The following MTAP variants were observed in gnomAD, a reference collection of about 807,000 sequenced individuals.
MTAP encodes the protein methylthioadenosine phosphorylase.
MTAP carries 33 observed loss-of-function variants against 33.6 expected under a neutral mutation model. That is an observed-to-expected ratio of 0.98 (90% CI 0.74 to 1.31). The LOEUF (loss-of-function observed/expected upper bound fraction) is 1.31, where lower values mean the gene tolerates loss of function less well. Among genes scored for constraint, MTAP ranks in the 40% most tolerant of loss-of-function variants. MTAP has a pLI of 0.00. For synonymous variants in MTAP, 148 were observed against 125.7 expected (o/e 1.18, Z -1.19); for missense variants, 367 against 360.0 (o/e 1.02, Z -0.16).
chr9:21,853,020 AT>A (rs552519514), intron 5 of MTAP, among the ~76,000 whole-genome samples: 5 of 152,190 alleles, frequency 3.3e-5, no homozygotes, highest in Admixed American at 6.5e-5. Context: ...TGTATTTGAT[AT>A]TTTTTGCTGC....
At chr9:21,925,370 G>A (rs1818852485) in intron 1 of MTAP, among the ~76,000 whole-genome samples, 1 of 152,154 alleles carries the variant, frequency 6.6e-6, no homozygotes, top group South Asian at 2.1e-4. Flanking sequence ...CTAAAAACTA[G>A]CACTGGACCC....
intron 4 of MTAP, among the ~76,000 whole-genome samples, chr9:21,834,826 T>C (rs1384331792): frequency 6.6e-6 from 1 of 152,236 alleles, no homozygotes; most frequent in Non-Finnish European, 1.5e-5. Context: ...GGTTAGCATG[T>C]GGACATCTTC....
At chr9:21,884,241 G>C (rs531990448) in intron 1 of MTAP, among the ~76,000 whole-genome samples, 2 of 152,228 alleles carry the variant, frequency 1.3e-5, no homozygotes, top group South Asian at 2.1e-4. Context: ...GCATGAATTT[G>C]TGTTGGATAC....
exon 8 of MTAP, chr9:21,936,743 T>TG (rs1819045981): frequency 6.6e-6 from 1 of 152,194 alleles, no homozygotes; most frequent in South Asian, 2.1e-4. Flanking sequence ...CACTAGAAAT[T>TG]GAAGTTACTA....
chr9:21,803,240 C>A, intron 1 of MTAP: 1 of 311,396 alleles, frequency 3.2e-6, no homozygotes, highest in East Asian at 5.3e-5. Flanking sequence ...TGCGGGACTC[C>A]AGCTTCCGCT....
chr9:21,859,086 A>T lies in MTAP; in HGVS notation c.691-217A>T, dbSNP rs113866475. On this transcript the variant is annotated intron_variant, in intron 6 of 7. Transcript: ENST00000644715. ...ATAGCACTGGGGCCTCTTTTGTAAG[A>T]TCACTAATCCTATCCACGAGGACTC... 33 of 443,290 alleles carry T rather than the reference A, an allele frequency of 7.4e-5. 1 individual carries two copies. The highest frequency in any genetic ancestry group is 6.3e-4 in the African/African-American group (31 of 49,066). 27.5% of individuals were successfully genotyped at this position (443,290 alleles called of 1,614,324 possible).
chr9:21,929,342 C>A, intron 1 of MTAP: 1 of 156,686 alleles, frequency 6.4e-6, no homozygotes. Flanking sequence ...ATTTTACTAA[C>A]AATTGTTATG....
At chr9:21,849,705 G>C (rs946060213) in intron 5 of MTAP, among the ~76,000 whole-genome samples, 2 of 152,192 alleles carry the variant, frequency 1.3e-5, no homozygotes, top group African/African-American at 4.8e-5. Context: ...AAAGACGCAG[G>C]GATGGTGATT....
chr9:21,867,728 G>A (rs910618493), downstream of MTAP, among the ~76,000 whole-genome samples: 8 of 151,886 alleles, frequency 5.3e-5, no homozygotes, highest in Non-Finnish European at 7.4e-5. Flanking sequence ...ACGACAGCCT[G>A]AGTTGTTTAT....
Position 21,844,826 on chromosome 9 carries a change from T to A in MTAP, c.450+6816T>A, listed in dbSNP as rs574627714. On this transcript the variant is annotated intron_variant, in intron 5 of 7. Coordinates refer to ENST00000644715, the MANE Select transcript of MTAP (RefSeq NM_002451.4). ...AAGGCGGGCGGATCACAAGGTCAGA[T>A]CGAGACCATCCTGGCTAACACGGTG... is the stretch of plus-strand genomic sequence containing the variant. Among the ~76,000 whole-genome samples, 101 of 152,140 alleles carry A rather than the reference T, an allele frequency of 6.6e-4. 1 individual carries two copies. In the South Asian group the frequency reaches 0.021, roughly 32 times the overall value.
At chr9:21,918,765 C>T (rs1818736791) in intron 1 of MTAP, among the ~76,000 whole-genome samples, 1 of 152,080 alleles carries the variant, frequency 6.6e-6, no homozygotes, top group South Asian at 2.1e-4. Flanking sequence ...TGCACATGCC[C>T]TCTTTGCCTG....
chr9:21,903,945 G>T (rs568215547), intron 1 of MTAP, among the ~76,000 whole-genome samples: 20 of 152,194 alleles, frequency 1.3e-4, no homozygotes, highest in Non-Finnish European at 2.5e-4. Flanking sequence ...CTGTATCCCG[G>T]GTTCTTGCCT....
chr9:21,867,598 AGATTGGTCTGT>A (rs1310103935), downstream of MTAP, among the ~76,000 whole-genome samples: 1 of 152,134 alleles, frequency 6.6e-6, no homozygotes, highest in African/African-American at 2.4e-5. Context: ...CTCATGAGAC[AGATTGGTCTGT>A]GATTTTCCTT....
intron 1 of MTAP, among the ~76,000 whole-genome samples, chr9:21,807,619 C>G (rs1485486372): frequency 6.6e-6 from 1 of 152,114 alleles, no homozygotes; most frequent in Non-Finnish European, 1.5e-5. Context: ...CCAGATACCC[C>G]CAGGAGAGCT....
Position 21,865,328 on chromosome 9 carries a change from A to G in MTAP, c.*3314A>G, listed in dbSNP as rs1825836097. 1.6e-6 allele frequency: 1 copy of G among 634,282 alleles called. No individual in the cohort carries two copies. The highest frequency in any genetic ancestry group is 2.0e-5 in the African/African-American group (1 of 50,148). The allele number at this position is 634,282 out of a possible 1,614,324, so 39.3% of individuals were successfully genotyped here. The stretch of plus-strand genomic sequence containing the variant: ...TGTTTCCCCTTCTGCCACGATTGTA[A>G]GTTTCCTGAGGCCTTCCCAGCTATG... On this transcript the variant is annotated 3_prime_UTR_variant, in exon 8 of 8. Coordinates refer to ENST00000644715, the MANE Select transcript of MTAP (RefSeq NM_002451.4).
intron 1 of MTAP, among the ~76,000 whole-genome samples, chr9:21,915,055 C>CCTTCCTTCCTTCCTTCCTTCCTTT (rs1554649248): frequency 3.9e-5 from 1 of 25,858 alleles, no homozygotes; most frequent in African/African-American, 1.7e-4. Context: ...TTCCTTCCTT[C>CCTTCCTTCCTTCCTTCCTTCCTTT]CTTTCTTTCT....
intron 5 of MTAP, among the ~76,000 whole-genome samples, chr9:21,848,535 G>A (rs997168649): frequency 3.9e-5 from 6 of 152,062 alleles, no homozygotes; most frequent in African/African-American, 1.2e-4. Flanking sequence ...TTAAAAGGTG[G>A]CCCACTGTGA....
At chr9:21,818,277 C>A in intron 4 of MTAP, 75 bp downstream of exon 4, 2 of 1,281,122 alleles carry the variant, frequency 1.6e-6, no homozygotes, top group East Asian at 2.9e-5. Context: ...GCGTGGGAAC[C>A]GGCAGGGCAA....
chr9:21,822,331 A>G (rs892032959), intron 4 of MTAP, among the ~76,000 whole-genome samples: 6 of 152,002 alleles, frequency 3.9e-5, no homozygotes, highest in South Asian at 4.2e-4. Context: ...TATGTTGTGT[A>G]TTTGTTCTCA....
Sources: gnomAD v4.1 joint callset for allele counts (sites outside exome capture counted in the v4.1 genomes callset) on GRCh38, gnomAD v4.1.1 for gene constraint, MANE v1.5 for transcripts, NCBI Gene and HGNC (gene_info 2026-07-23, HGNC 2026-07-21) for gene names.